Variants in SYCP2 observed in about 807,000 individuals in gnomAD.
The protein encoded by SYCP2 is synaptonemal complex protein 2, also known as synaptonemal complex lateral element protein.
SYCP2 carries 55 observed loss-of-function variants against 211.3 expected under a neutral mutation model. That is an observed-to-expected ratio of 0.26 (90% CI 0.21 to 0.33). SYCP2 has a LOEUF of 0.33. SYCP2 is among the 10% of genes least tolerant of loss of function. SYCP2 has a pLI of 1.00. For synonymous variants in SYCP2, 570 were observed against 555.2 expected (o/e 1.03, Z -0.37); for missense variants, 1,731 against 1,752.0 (o/e 0.99, Z 0.21).
chr20:59,894,839 T>TC (rs1470852207), intron 20 of SYCP2, among the ~76,000 whole-genome samples: 2 of 152,200 alleles, frequency 1.3e-5, no homozygotes, highest in East Asian at 3.9e-4. Context: ...TCTTATCCAT[T>TC]CCTGCTTTGT....
Position 59,917,109 on chromosome 20 carries a change from T to C in SYCP2, c.428-538A>G, listed in dbSNP as rs73309262. Among the ~76,000 whole-genome samples, 645 of 152,168 alleles carry C rather than the reference T, an allele frequency of 4.2e-3. 3 individuals carry two copies. The highest frequency in any genetic ancestry group is 0.015 in the African/African-American group (612 of 41,512). ...GACAACTCTAGATCTAGTTTCTAAC[T>C]GCAGGCACATAAGGAGGTATTTATT... is the stretch of plus-strand genomic sequence containing the variant. On this transcript the variant is annotated intron_variant, in intron 7 of 44. Coordinates refer to ENST00000357552, the MANE Select transcript of SYCP2 (RefSeq NM_014258.4).
At chr20:59,888,896 CGAAA>C (rs2059848267) in intron 24 of SYCP2, among the ~76,000 whole-genome samples, 1 of 151,484 alleles carries the variant, frequency 6.6e-6, no homozygotes, top group African/African-American at 2.4e-5. Context: ...TTAGCACTGC[CGAAA>C]GAAATACTTA....
chr20:59,892,637 G>A lies in SYCP2; in HGVS notation c.1858C>T (p.Pro620Ser), dbSNP rs1235493191. The change falls in exon 23 of 45, where the codon CCT becomes TCT. Residue 620 changes from proline (P) to serine (S), a missense_variant. Pro to Ser is a moderately conservative substitution (Grantham distance 74). This residue lies in a region of SYCP2 where 1,387 missense variants were observed against 1,351.3 expected (regional missense o/e 1.03). Coordinates refer to ENST00000357552, the MANE Select transcript of SYCP2 (RefSeq NM_014258.4). ...TTACATAGTTCAATGTTTGTTACAG[G>A]TGTCCAACATGCCCATTTGCTGTGT... ...KIHSKWACWT[P>S]VTNIELCNNQ... 1 of 1,610,566 alleles carries A rather than the reference G, an allele frequency of 6.2e-7. No homozygotes were observed. Among genetic ancestry groups the A allele is most frequent in the Admixed American group, 1.7e-5 (1 of 59,622 alleles).
At position 59,865,812 on chromosome 20, in the gene SYCP2, T is replaced by C. The variant is rs2059320950; in HGVS notation, c.4374A>G (p.Gln1458=). The C allele has an allele frequency of 7.0e-7, 1 of 1,429,516 alleles. No individual in the cohort carries two copies. The highest frequency in any genetic ancestry group is 2.1e-5 in the Admixed American group (1 of 48,062). The allele number at this position is 1,429,516 out of a possible 1,614,324, so 88.6% of individuals were successfully genotyped here. A position where few individuals can be genotyped will look rare whatever the true frequency, so the allele number is the denominator to read the frequency against. ...QKFSAYQKSE[Q]QRLHLLKTSL... is the part of the protein sequence containing the mutation. ...ATTAAGAATGTCATACTAACCTCTG[T>C]TGTTCGCTTTTTTGATATGCACTGA... The change falls in exon 42 of 45, where the codon CAA becomes CAG. Residue 1458 remains glutamine, a synonymous_variant. Coordinates refer to ENST00000357552, the MANE Select transcript of SYCP2 (RefSeq NM_014258.4).
chr20:59,923,674 C>A (rs924244469), intron 2 of SYCP2, among the ~76,000 whole-genome samples: 14 of 151,480 alleles, frequency 9.2e-5, no homozygotes, highest in African/African-American at 3.4e-4. Flanking sequence ...TGTACTCTAG[C>A]CTAGTCAAGA....
chr20:59,922,517 T>G, intron 2 of SYCP2, 58 bp from the exon 3 acceptor site: 1 of 858,308 alleles, frequency 1.2e-6, no homozygotes, highest in South Asian at 1.9e-5. Flanking sequence ...TGTTTATCAG[T>G]TTAAATATCT....
At chr20:59,925,073 C>T (rs2145894592) in intron 2 of SYCP2, among the ~76,000 whole-genome samples, 1 of 152,100 alleles carries the variant, frequency 6.6e-6, no homozygotes, top group Non-Finnish European at 1.5e-5. Flanking sequence ...ATCTTCATGA[C>T]CTGCAATAAG....
chr20:59,927,019 A>T (rs2060645944), intron 2 of SYCP2, among the ~76,000 whole-genome samples: 1 of 152,162 alleles, frequency 6.6e-6, no homozygotes, highest in South Asian at 2.1e-4. Context: ...TTGGACAAAC[A>T]GTTTCTGAGA....
Position 59,916,443 on chromosome 20 carries a change from C to T in SYCP2, c.513+43G>A, listed in dbSNP as rs952212969. 30 of 1,154,194 alleles carry T rather than the reference C, an allele frequency of 2.6e-5. 2 individuals are homozygous for T. Among genetic ancestry groups the T allele is most frequent in the South Asian group, 1.8e-4 (14 of 77,324 alleles). The allele number at this position is 1,154,194 out of a possible 1,614,324, so 71.5% of individuals were successfully genotyped here. A position where few individuals can be genotyped will look rare whatever the true frequency, so the allele number is the denominator to read the frequency against. The stretch of plus-strand genomic sequence containing the variant: ...ATTTAATTGCTATTGATTTTCTTCA[C>T]GTTCTCATTTTTAGTTTTTAAAACA... On this transcript the variant is annotated intron_variant, in intron 8 of 44. Transcript: ENST00000357552.
chr20:59,887,556 C>T (rs547458086), intron 24 of SYCP2, among the ~76,000 whole-genome samples: 11 of 152,038 alleles, frequency 7.2e-5, no homozygotes, highest in Non-Finnish European at 1.2e-4. Context: ...AGTTCTAGAT[C>T]CTTGAGGAAT....
chr20:59,893,632 G>A (rs1399676424), intron 20 of SYCP2, 39 bp from the exon 21 acceptor site: 2 of 1,481,770 alleles, frequency 1.3e-6, no homozygotes, highest in Non-Finnish European at 1.9e-6. Context: ...AACTTAAGAT[G>A]TTATATGAAA....
chr20:59,883,306 G>T (rs1388225794), intron 26 of SYCP2, among the ~76,000 whole-genome samples: 1 of 152,038 alleles, frequency 6.6e-6, no homozygotes, highest in Non-Finnish European at 1.5e-5. Context: ...CCAAGATCAC[G>T]CCACTGCACT....
At chr20:59,877,831 T>C (rs939029058) in intron 32 of SYCP2, among the ~76,000 whole-genome samples, 177 bp downstream of exon 32, 1 of 151,700 alleles carries the variant, frequency 6.6e-6, no homozygotes, top group Non-Finnish European at 1.5e-5. Flanking sequence ...CAGAATAAAA[T>C]GGAGTCAAAG....
intron 2 of SYCP2, among the ~76,000 whole-genome samples, chr20:59,924,679 T>C (rs1163638695): frequency 6.7e-6 from 1 of 148,212 alleles, no homozygotes; most frequent in Non-Finnish European, 1.5e-5. Context: ...AAAAATATTA[T>C]ATTTTAAGAG....
intron 16 of SYCP2, among the ~76,000 whole-genome samples, 169 bp from the exon 17 acceptor site, chr20:59,900,987 T>A (rs1188784204): frequency 6.6e-6 from 1 of 152,024 alleles, no homozygotes; most frequent in Non-Finnish European, 1.5e-5. Context: ...AACACTTCAA[T>A]TACTCCCCTT....
intron 26 of SYCP2, 24 bp from the exon 27 acceptor site, chr20:59,882,189 T>C (rs764184083): frequency 4.2e-5 from 65 of 1,545,536 alleles, no homozygotes; most frequent in Non-Finnish European, 5.8e-5. Flanking sequence ...TATAAAAAAA[T>C]CATTAAATGG....
Position 59,866,572 on chromosome 20 carries a change from C to T in SYCP2, c.4143G>A (p.Leu1381=). 4 of 1,596,976 alleles carry T rather than the reference C, an allele frequency of 2.5e-6. No individual in the cohort carries two copies. The highest frequency in any genetic ancestry group is 2.2e-5 in the East Asian group (1 of 44,530). The change falls in exon 40 of 45, where the codon TTG becomes TTA. Residue 1381 remains leucine (L), a synonymous_variant. Coordinates refer to ENST00000357552, the MANE Select transcript of SYCP2 (RefSeq NM_014258.4). ...KRRNNIRHKM[L]SYFTTQSWKT... ...TCCAAGACTGCGTAGTAAAATAACT[C>T]AACATTTTATGTCGGATCTGAAAAA...
Position 59,873,845 on chromosome 20 carries a change from T to C in SYCP2, c.3555+11A>G. ...TATCTGATAAAGAGAAAAATATATA[T>C]ACATTCTCACCAAAAACAGTGGTCG... On this transcript the variant is annotated intron_variant, in intron 35 of 44. Transcript: ENST00000357552. 1 of 1,594,682 alleles carries C rather than the reference T, an allele frequency of 6.3e-7. No homozygotes were observed. The highest frequency in any genetic ancestry group is 8.5e-7 in the Non-Finnish European group (1 of 1,171,206).
chr20:59,914,382 A>G (rs1024302789), intron 10 of SYCP2, 131 bp from the exon 11 acceptor site: 4 of 462,466 alleles, frequency 8.6e-6, no homozygotes, highest in Non-Finnish European at 1.5e-5. Context: ...TAATCTATTA[A>G]TATTTTCTTC....
Sources: allele counts gnomAD v4.1 joint callset (sites outside exome capture counted in the v4.1 genomes callset), GRCh38; gene constraint gnomAD v4.1.1; regional missense constraint gnomAD v4.1.1; transcripts MANE v1.5; gene names NCBI Gene and HGNC (gene_info 2026-07-23, HGNC 2026-07-21).